GALNT10: variants seen among roughly 807,000 people sequenced by gnomAD.
GALNT10 encodes polypeptide N-acetylgalactosaminyltransferase 10, also known as GalNAc transferase 10.
GALNT10 carries 41 observed loss-of-function variants against 75.0 expected under a neutral mutation model. That is an observed-to-expected ratio of 0.55 (90% confidence interval 0.43 to 0.71). The LOEUF (loss-of-function observed/expected upper bound fraction) is 0.71. Among genes scored for constraint, GALNT10 ranks in the 30% least tolerant of loss-of-function variants. GALNT10 has a pLI of 0.00. For synonymous variants in GALNT10, 302 were observed against 313.0 expected (o/e 0.96, Z 0.37); for missense variants, 727 against 818.5 (o/e 0.89, Z 1.36).
At chr5:154,317,091 C>G (rs28688365) in intron 3 of GALNT10, among the ~76,000 whole-genome samples, 2,293 of 152,276 alleles carry the variant, frequency 0.015, 56 homozygotes, top group African/African-American at 0.05. Context: ...TGAGGCTCAT[C>G]ATGGGATAGG....
intron 1 of GALNT10, among the ~76,000 whole-genome samples, chr5:154,233,121 T>G (rs1162692741): frequency 6.6e-6 from 1 of 152,180 alleles, no homozygotes; most frequent in Admixed American, 6.6e-5. Context: ...ATAAAAAAAT[T>G]TTAACAAAAT....
intron 4 of GALNT10, among the ~76,000 whole-genome samples, chr5:154,339,678 A>G (rs1338838652): frequency 6.6e-6 from 1 of 152,244 alleles, no homozygotes; most frequent in Non-Finnish European, 1.5e-5. Context: ...TTATATTTTC[A>G]GAAAGGTGAT....
intron 10 of GALNT10, 30 bp from the exon 11 acceptor site, chr5:154,415,753 T>C (rs754259006): frequency 5.0e-6 from 8 of 1,586,454 alleles, no homozygotes; most frequent in Middle Eastern, 1.7e-4. Flanking sequence ...TTGGCTTTGC[T>C]ATCCCTATTT....
At chr5:154,362,954 G>A (rs1047151234) in intron 4 of GALNT10, among the ~76,000 whole-genome samples, 1 of 152,168 alleles carries the variant, frequency 6.6e-6, no homozygotes, top group East Asian at 1.9e-4. Flanking sequence ...AGAGCCCAGT[G>A]TTCTAACCTA....
chr5:154,362,307 G>A (rs975524166), intron 4 of GALNT10, among the ~76,000 whole-genome samples: 2 of 152,064 alleles, frequency 1.3e-5, no homozygotes, highest in African/African-American at 2.4e-5. Flanking sequence ...TCCATCACTG[G>A]TCTGGGTTCA....
At chr5:154,328,308 G>A (rs1166053804) in intron 3 of GALNT10, among the ~76,000 whole-genome samples, 2 of 152,188 alleles carry the variant, frequency 1.3e-5, no homozygotes, top group Non-Finnish European at 2.9e-5. Context: ...AAGGGGCAGG[G>A]CCTTCCACCC....
At chr5:154,321,665 G>A (rs755581659) in intron 3 of GALNT10, among the ~76,000 whole-genome samples, 1 of 152,094 alleles carries the variant, frequency 6.6e-6, no homozygotes. Context: ...CCCTTCCCTT[G>A]ATGCTTTTTA....
At chr5:154,361,744 T>A (rs1318769263) in intron 4 of GALNT10, among the ~76,000 whole-genome samples, 1 of 152,258 alleles carries the variant, frequency 6.6e-6, no homozygotes, top group Non-Finnish European at 1.5e-5. Context: ...GTTTAATTTA[T>A]GTTTACATAT....
intron 1 of GALNT10, among the ~76,000 whole-genome samples, chr5:154,229,185 T>C (rs1308302751): frequency 1.3e-5 from 2 of 152,204 alleles, no homozygotes; most frequent in East Asian, 3.8e-4. Context: ...ATATTGGTCG[T>C]CTGTACATTG....
chr5:154,235,007 C>G (rs912534309), intron 1 of GALNT10, among the ~76,000 whole-genome samples: 28 of 152,166 alleles, frequency 1.8e-4, no homozygotes, highest in Non-Finnish European at 5.9e-5. Context: ...TACTGAAAGT[C>G]AGAAAATAGA....
rs1201266196 is a variant in GALNT10 at position 154,298,609 on chromosome 5, T to C, written c.401+530T>C. On this transcript the variant is annotated intron_variant, in intron 3 of 11. Coordinates refer to ENST00000297107, the MANE Select transcript of GALNT10 (RefSeq NM_198321.4). The surrounding 1 kb of genome is among the most constrained non-coding windows in gnomAD (Gnocchi z 4.1). ...TGCTGTGAGGTAGGTCCTGTAATGATGCCGATTTTACAGTGAGAAAACTGG... is the reference window on the plus strand; with the variant it reads ...TGCTGTGAGGTAGGTCCTGTAATGACGCCGATTTTACAGTGAGAAAACTGG... Among the ~76,000 whole-genome samples the C allele has an allele frequency of 1.3e-5, 2 of 152,172 alleles. No homozygotes were observed. The highest frequency in any genetic ancestry group is 4.8e-5 in the African/African-American group (2 of 41,446).
At chr5:154,373,586 A>T (rs1755610733) in intron 4 of GALNT10, among the ~76,000 whole-genome samples, 1 of 152,200 alleles carries the variant, frequency 6.6e-6, no homozygotes, top group African/African-American at 2.4e-5. Flanking sequence ...GGAGCTTCGC[A>T]TGCAAGCAGG....
chr5:154,395,202 T>C (rs1436691017), intron 7 of GALNT10, among the ~76,000 whole-genome samples: 1 of 152,220 alleles, frequency 6.6e-6, no homozygotes, highest in African/African-American at 2.4e-5. Context: ...ATATGTATAT[T>C]TGGCCTAGAG....
At chr5:154,227,144 G>A (rs143450474) in intron 1 of GALNT10, among the ~76,000 whole-genome samples, 17 of 152,218 alleles carry the variant, frequency 1.1e-4, no homozygotes, top group South Asian at 8.3e-4. Flanking sequence ...CAAAGTTACC[G>A]TGAAATTCAT....
At position 154,393,173 on chromosome 5, in the gene GALNT10, G is replaced by A. The variant is rs6859060; in HGVS notation, c.1056+6743G>A. Among the ~76,000 whole-genome samples the A allele has an allele frequency of 3.4e-3, 512 of 150,712 alleles. 4 individuals carry two copies. The highest frequency in any genetic ancestry group is 6.2e-3 in the Non-Finnish European group (419 of 67,764). On this transcript the variant is annotated intron_variant, in intron 7 of 11. Coordinates refer to ENST00000297107, the MANE Select transcript of GALNT10 (RefSeq NM_198321.4). Reference sequence around the variant, plus strand: ...CTGCAGCTTCAACACCCCAGGGCTCGAGCAGTTGTCCCACTTCAGCCTCCC... The same window carrying A: ...CTGCAGCTTCAACACCCCAGGGCTCAAGCAGTTGTCCCACTTCAGCCTCCC...
chr5:154,208,314 C>T (rs1775140917), intron 1 of GALNT10, among the ~76,000 whole-genome samples: 1 of 152,114 alleles, frequency 6.6e-6, no homozygotes, highest in Non-Finnish European at 1.5e-5. Flanking sequence ...CCTGAGAGCA[C>T]AGTGAAGGAT....
intron 2 of GALNT10, among the ~76,000 whole-genome samples, chr5:154,296,435 C>A (rs1754273463): frequency 6.6e-6 from 1 of 152,098 alleles, no homozygotes; most frequent in Non-Finnish European, 1.5e-5. Context: ...TTGGGAAGAG[C>A]TGATTTGCCA....
intron 1 of GALNT10, among the ~76,000 whole-genome samples, chr5:154,237,125 T>C (rs797007307): frequency 1.2e-4 from 19 of 152,284 alleles, no homozygotes; most frequent in African/African-American, 4.3e-4. Context: ...GTTTGGGATC[T>C]TGCAAGTGAG....
At chr5:154,248,602 A>C (rs1038987984) in intron 1 of GALNT10, among the ~76,000 whole-genome samples, 1 of 152,084 alleles carries the variant, frequency 6.6e-6, no homozygotes, top group African/African-American at 2.4e-5. Context: ...TTGCATAGAG[A>C]TGTTTATAGT....
Sources: allele counts gnomAD v4.1 joint callset (sites outside exome capture counted in the v4.1 genomes callset), GRCh38; gene constraint gnomAD v4.1.1; non-coding constraint Gnocchi (gnomAD v3.1); transcripts MANE v1.5; gene names NCBI Gene and HGNC (gene_info 2026-07-23, HGNC 2026-07-21).